HSD11B1L: variants seen among roughly 807,000 people sequenced by gnomAD.
HSD11B1L encodes the protein hydroxysteroid 11-beta dehydrogenase 1 like, also known as hydroxysteroid 11-beta-dehydrogenase 1-like protein.
Under a neutral mutation model 27.0 loss-of-function variants are expected in HSD11B1L, and 22 were observed. That is an observed-to-expected ratio of 0.81 (90% confidence interval 0.58 to 1.16). The LOEUF is 1.16. Ranked by LOEUF, HSD11B1L falls within the 50% of genes most tolerant of loss-of-function variation. The probability of loss-of-function intolerance (pLI) is 0.00; values close to 1 mark genes in which losing one functional copy is unlikely to be tolerated. For synonymous variants in HSD11B1L, 187 were observed against 189.2 expected (o/e 0.99, Z 0.09); for missense variants, 372 against 401.8 (o/e 0.93, Z 0.63).
rs756753325 is a variant in HSD11B1L at position 5,687,775 on chromosome 19, GC to G, written c.695del (p.Pro232ArgfsTer9). The G allele has an allele frequency of 3.1e-4, 458 of 1,482,530 alleles. No homozygotes were observed. The highest frequency in any genetic ancestry group is 5.7e-4 in the Admixed American group (22 of 38,368). 91.8% of individuals were successfully genotyped at this position (1,482,530 alleles called of 1,614,324 possible). On this transcript the variant is annotated frameshift_variant, in exon 8 of 8. Coordinates refer to ENST00000339423, the MANE Select transcript of HSD11B1L (RefSeq NM_198706.3). LOFTEE classifies it high-confidence loss of function. This position sits in a 1 kb window ranked among gnomAD's most constrained non-coding sequence, Gnocchi z 6.6. ...CAGGGGAGTCACGAGGGTCAAGGCG[GC>G]CCCGGGGCCCAAGGCAGCCCTGGCC... ...AVRGVTRVKA[A>X]PGPKAALAVI...
chr19:5,687,013 C>T lies in HSD11B1L; in HGVS notation c.408+22C>T. 6.5e-7 allele frequency: 1 copy of T among 1,527,168 alleles called. No individual in the cohort carries two copies. Among genetic ancestry groups the T allele is most frequent in the South Asian group, 1.2e-5 (1 of 83,484 alleles). 94.6% of individuals were successfully genotyped at this position (1,527,168 alleles called of 1,614,324 possible). ...GCAGGTGCTCCGCTCCTCCGCGGCC[C>T]CGGCCCGCCCCTCTATCTCAGGGAC... On this transcript the variant is annotated intron_variant, in intron 5 of 7. Transcript: ENST00000339423. The surrounding 1 kb of genome is among the most constrained non-coding windows in gnomAD (Gnocchi z 6.6).
Position 5,686,317 on chromosome 19 carries a change from G to C in HSD11B1L, c.205-99G>C, listed in dbSNP as rs2275243. On this transcript the variant is annotated intron_variant, in intron 3 of 7. Coordinates refer to ENST00000339423, the MANE Select transcript of HSD11B1L (RefSeq NM_198706.3). The stretch of plus-strand genomic sequence containing the variant: ...GGGTCCCGAGGCTCAGAGTAGGGGG[G>C]GGTTTTCAGGCGGGGGCCTCCCTAT... 1,015 of 784,594 alleles carry C rather than the reference G, an allele frequency of 1.3e-3. 3 individuals carry two copies. The African/African-American group carries it at 0.014, about 11-fold the overall frequency. The allele number at this position is 784,594 out of a possible 1,614,324, so 48.6% of individuals were successfully genotyped here.
chr19:5,686,517 G>A lies in HSD11B1L; in HGVS notation c.306G>A (p.Leu102=), dbSNP rs909424511. 6.3e-7 allele frequency: 1 copy of A among 1,576,976 alleles called. No homozygotes were observed. Among genetic ancestry groups the A allele is most frequent in the East Asian group, 2.3e-5 (1 of 43,680 alleles). Residue 102 remains leucine (L), a synonymous_variant, in exon 4 of 8, where the codon CTG becomes CTA. Coordinates refer to ENST00000339423, the MANE Select transcript of HSD11B1L (RefSeq NM_198706.3). ...CCGAGAGCGTGGTGCAGTTTGCGCTGGACAAGCTGGGTGAGGGGCTGGGCC... is the reference window on the plus strand; with the variant it reads ...CCGAGAGCGTGGTGCAGTTTGCGCTAGACAAGCTGGGTGAGGGGCTGGGCC... The part of the protein sequence containing the change: ...EAPESVVQFA[L]DKLGGLDYLV...
At chr19:5,686,050 G>A (rs1235715691) in intron 3 of HSD11B1L, among the ~76,000 whole-genome samples, 1 of 152,184 alleles carries the variant, frequency 6.6e-6, no homozygotes, top group South Asian at 2.1e-4. Flanking sequence ...TCTTAAACTC[G>A]AAGGGAAGGA....
Position 5,687,828 on chromosome 19 carries a change from G to A in HSD11B1L, c.744G>A (p.Ala248=). The stretch of plus-strand genomic sequence containing the variant: ...TGATCCGCGGCGGCGCCACGCGCGC[G>A]GCCGGCGTCTTCTACCCGTGGCGTT... ...LAVIRGGATR[A]AGVFYPWRFR... Residue 248 remains alanine (A), a synonymous_variant, in exon 8 of 8, where the codon GCG becomes GCA. Transcript: ENST00000339423. This position sits in a 1 kb window ranked among gnomAD's most constrained non-coding sequence, Gnocchi z 6.6. 6.4e-7 allele frequency: 1 copy of A among 1,552,300 alleles called. No individual in the cohort carries two copies. Among genetic ancestry groups the A allele is most frequent in the Non-Finnish European group, 8.7e-7 (1 of 1,150,900 alleles).
In HSD11B1L at chr19:5,687,227, C is replaced by T; in HGVS notation, c.409-55C>T. The T allele has an allele frequency of 1.3e-6, 2 of 1,580,154 alleles. No homozygotes were observed. The highest frequency in any genetic ancestry group is 1.7e-6 in the Non-Finnish European group (2 of 1,159,008). Reference sequence around the variant, plus strand: ...TGGCCCCGCCCTCTGGGTTTCTGGCCCCGCCCTGCCCCTGGGCTCCGCCTC... The same window carrying T: ...TGGCCCCGCCCTCTGGGTTTCTGGCTCCGCCCTGCCCCTGGGCTCCGCCTC... On this transcript the variant is annotated intron_variant, in intron 5 of 7. Coordinates refer to ENST00000339423, the MANE Select transcript of HSD11B1L (RefSeq NM_198706.3). The surrounding 1 kb of genome is among the most constrained non-coding windows in gnomAD (Gnocchi z 6.6).
rs1191190014 is a variant in HSD11B1L, at chr19:5,688,226, G to A, written c.*281G>A. ...TGACTGCTTCCATTTTGCAGATGAG[G>A]AAACTAAGGCTCAGAGAGGCCACGC... On this transcript the variant is annotated 3_prime_UTR_variant, in exon 8 of 8. Transcript: ENST00000339423. 1.3e-6 allele frequency: 2 copies of A among 1,531,238 alleles called. No homozygotes were observed. Among genetic ancestry groups the A allele is most frequent in the Non-Finnish European group, 1.8e-6 (2 of 1,137,796 alleles). The allele number at this position is 1,531,238 out of a possible 1,614,324, so 94.9% of individuals were successfully genotyped here.
At position 5,686,901 on chromosome 19, in the gene HSD11B1L, C is replaced by A. The variant is rs1052016779; in HGVS notation, c.318C>A (p.Gly106=). 1.3e-6 allele frequency: 2 copies of A among 1,544,042 alleles called. No individual in the cohort carries two copies. Among genetic ancestry groups the A allele is most frequent in the Non-Finnish European group, 1.7e-6 (2 of 1,144,300 alleles). ...GGCTGACCGGCGTTTCTGGGCCAGGCGGGCTGGACTACCTCGTGCTGAACC... is the reference window on the plus strand; with the variant it reads ...GGCTGACCGGCGTTTCTGGGCCAGGAGGGCTGGACTACCTCGTGCTGAACC... ...SVVQFALDKL[G]GLDYLVLNHI... is the part of the protein sequence containing the mutation. Residue 106 remains glycine, a splice_region_variant and synonymous_variant, in exon 5 of 8, where the codon GGC becomes GGA. Coordinates refer to ENST00000339423, the MANE Select transcript of HSD11B1L (RefSeq NM_198706.3).
intron 3 of HSD11B1L, among the ~76,000 whole-genome samples, chr19:5,686,038 G>C (rs946639640): frequency 9.2e-5 from 14 of 152,212 alleles, no homozygotes; most frequent in African/African-American, 3.1e-4. Flanking sequence ...GATAGCCAGG[G>C]TTCTTAAACT....
rs552868043 is a variant in HSD11B1L, at chr19:5,687,954, G to C, written c.*9G>C. 3.8e-6 allele frequency: 6 copies of C among 1,558,660 alleles called. No individual in the cohort carries two copies. The highest frequency in any genetic ancestry group is 5.2e-6 in the Non-Finnish European group (6 of 1,150,780). On this transcript the variant is annotated 3_prime_UTR_variant, in exon 8 of 8. Transcript: ENST00000339423. This position sits in a 1 kb window ranked among gnomAD's most constrained non-coding sequence, Gnocchi z 6.6. ...CGGCCGCGGCAGCCTGAGCACCGGG[G>C]GGTGCCCCTCCAGTCCCAGACGGCA...
At position 5,687,504 on chromosome 19, in the gene HSD11B1L, C is replaced by G; in HGVS notation, c.504C>G (p.Gly168=). 1 of 1,595,860 alleles carries G rather than the reference C, an allele frequency of 6.3e-7. No individual in the cohort carries two copies. Among genetic ancestry groups the G allele is most frequent in the Non-Finnish European group, 8.5e-7 (1 of 1,177,370 alleles). The change falls in exon 7 of 8, where the codon GGC becomes GGG. Residue 168 remains glycine, a splice_region_variant and synonymous_variant. Transcript: ENST00000339423. This position sits in a 1 kb window ranked among gnomAD's most constrained non-coding sequence, Gnocchi z 6.6. ...GSLVVVSSLL[G]RVPTSFSTPY... is the part of the protein sequence containing the mutation. ...AGCCGCTGCCGTCCGCGCCCCCAGG[C>G]CGCGTGCCCACGTCGTTCTCCACTC...
At position 5,685,044 on chromosome 19, in the gene HSD11B1L, G is replaced by T; in HGVS notation, c.129G>T (p.Glu43Asp). 1 of 1,568,290 alleles carries T rather than the reference G, an allele frequency of 6.4e-7. No individual in the cohort carries two copies. ...LLTGANAGVG[E>D]ELAYHYARLG... Reference sequence around the variant, plus strand: ...CAGGGGCCAACGCTGGTGTTGGTGAGGAGCTGGCCTATCACTACGCGCGTC... The same window carrying T: ...CAGGGGCCAACGCTGGTGTTGGTGATGAGCTGGCCTATCACTACGCGCGTC... The change falls in exon 3 of 8, where the codon GAG (glutamate) becomes GAT (aspartate). Residue 43 changes from glutamate (E) to aspartate (D), a missense_variant. Physicochemically the swap from Glu to Asp is conservative, Grantham distance 45 (BLOSUM62 2). Transcript: ENST00000339423. The surrounding 1 kb of genome is among the most constrained non-coding windows in gnomAD (Gnocchi z 4.3).
Position 5,685,086 on chromosome 19 carries a change from G to A in HSD11B1L, c.171G>A (p.Val57=). 6.4e-7 allele frequency: 1 copy of A among 1,551,058 alleles called. No homozygotes were observed. The highest frequency in any genetic ancestry group is 8.7e-7 in the Non-Finnish European group (1 of 1,147,600). Residue 57 remains valine, a synonymous_variant, in exon 3 of 8, where the codon GTG becomes GTA. Transcript: ENST00000339423. The surrounding 1 kb of genome is among the most constrained non-coding windows in gnomAD (Gnocchi z 4.3). ...ACGCGCGTCTGGGCTCCCACCTGGT[G>A]CTCACTGCCCACACTGAGGCTCTCC... ...YHYARLGSHL[V]LTAHTEALLQ...
chr19:5,688,109 C>T lies in HSD11B1L; in HGVS notation c.*164C>T, dbSNP rs768445779. 19 of 1,551,516 alleles carry T rather than the reference C, an allele frequency of 1.2e-5. No homozygotes were observed. The highest frequency in any genetic ancestry group is 1.5e-5 in the Non-Finnish European group (17 of 1,146,998). ...CGAGAAAAACGACGGGCACCTGGAA[C>T]CAGTCACGGCTTGGGAGGTGCAGGT... is the stretch of plus-strand genomic sequence containing the variant. On this transcript the variant is annotated 3_prime_UTR_variant, in exon 8 of 8. Coordinates refer to ENST00000339423, the MANE Select transcript of HSD11B1L (RefSeq NM_198706.3).
At position 5,687,507 on chromosome 19, in the gene HSD11B1L, C is replaced by T. The variant is rs753709255; in HGVS notation, c.507C>T (p.Arg169=). ...SLVVVSSLLG[R]VPTSFSTPYS... is the part of the protein sequence containing the mutation. Reference sequence around the variant, plus strand: ...CGCTGCCGTCCGCGCCCCCAGGCCGCGTGCCCACGTCGTTCTCCACTCCCT... The same window carrying T: ...CGCTGCCGTCCGCGCCCCCAGGCCGTGTGCCCACGTCGTTCTCCACTCCCT... The change falls in exon 7 of 8, where the codon CGC becomes CGT. Residue 169 remains arginine, a synonymous_variant. Transcript: ENST00000339423. The surrounding 1 kb of genome is among the most constrained non-coding windows in gnomAD (Gnocchi z 6.6). The T allele has an allele frequency of 1.3e-6, 2 of 1,596,586 alleles. No homozygotes were observed. The highest frequency in any genetic ancestry group is 2.2e-5 in the South Asian group (2 of 90,652).
Position 5,684,978 on chromosome 19 carries a change from G to A in HSD11B1L, c.74-11G>A, listed in dbSNP as rs1387660681. On this transcript the variant is annotated splice_polypyrimidine_tract_variant and intron_variant, in intron 2 of 7. Transcript: ENST00000339423. ...TCCTCCGCCCAGAGTGACCACCCCG[G>A]CTATGGCCAGCCAGCCTCCAGGGAG... is the stretch of plus-strand genomic sequence containing the variant. The A allele has an allele frequency of 3.1e-6, 5 of 1,610,532 alleles. No homozygotes were observed. In the South Asian group the frequency reaches 4.4e-5, roughly 14 times the overall value.
chr19:5,683,901 AAAAAAAATAAAAAT>A, intron 1 of HSD11B1L: 2 of 275,960 alleles, frequency 7.2e-6, no homozygotes, highest in Non-Finnish European at 1.3e-5. Flanking sequence ...CTCAAAAATA[AAAAAAAATAAAAAT>A]AAAAAAATAA....
At position 5,685,486 on chromosome 19, in the gene HSD11B1L, T is replaced by C; in HGVS notation, c.204+367T>C. ...TAGCACTTTGGGAGGCCAAGGCGGATGGATCACTTGAGGTCAGGAGTTCAA... is the reference window on the plus strand; with the variant it reads ...TAGCACTTTGGGAGGCCAAGGCGGACGGATCACTTGAGGTCAGGAGTTCAA... On this transcript the variant is annotated intron_variant, in intron 3 of 7. Transcript: ENST00000339423. The surrounding 1 kb of genome is among the most constrained non-coding windows in gnomAD (Gnocchi z 4.3). 5.7e-6 allele frequency: 2 copies of C among 353,900 alleles called. No homozygotes were observed. Among genetic ancestry groups the C allele is most frequent in the Non-Finnish European group, 1.1e-5 (2 of 180,516 alleles). The allele number at this position is 353,900 out of a possible 1,614,324, so 21.9% of individuals were successfully genotyped here. A position where few individuals can be genotyped will look rare whatever the true frequency, so the allele number is the denominator to read the frequency against.
intron 1 of HSD11B1L, among the ~76,000 whole-genome samples, chr19:5,682,819 T>TC (rs1319708568): frequency 2.1e-5 from 3 of 145,750 alleles, no homozygotes; most frequent in African/African-American, 7.6e-5. Context: ...ACTTTTTTTT[T>TC]TTTTTTTTTT....
Sources: allele counts gnomAD v4.1 joint callset (sites outside exome capture counted in the v4.1 genomes callset), GRCh38; gene constraint gnomAD v4.1.1; non-coding constraint Gnocchi (gnomAD v3.1); transcripts MANE v1.5; gene names NCBI Gene and HGNC (gene_info 2026-07-23, HGNC 2026-07-21).